CTNNA2: variants seen among roughly 807,000 people sequenced by gnomAD.
CTNNA2 encodes the protein catenin alpha-2.
Under a neutral mutation model 101.0 loss-of-function variants are expected in CTNNA2, and 42 were observed. The observed-to-expected ratio is 0.42, with a 90% CI of 0.32 to 0.54. The LOEUF is 0.54. CTNNA2 is among the 20% of genes least tolerant of loss of function. The pLI is 0.14. For synonymous variants in CTNNA2, 450 were observed against 456.4 expected (o/e 0.99, Z 0.18); for missense variants, 871 against 1,223.1 (o/e 0.71, Z 4.29).
chr2:79,973,655 G>A (rs1016865342), intron 7 of CTNNA2, among the ~76,000 whole-genome samples: 1 of 152,284 alleles, frequency 6.6e-6, no homozygotes, highest in Non-Finnish European at 1.5e-5. Flanking sequence ...CAGGAATAGG[G>A]CATTGCAATG....
intron 7 of CTNNA2, among the ~76,000 whole-genome samples, chr2:80,176,096 C>T (rs574800515): frequency 6.6e-6 from 1 of 152,200 alleles, no homozygotes; most frequent in Admixed American, 6.5e-5. Flanking sequence ...AGGAACAATA[C>T]TTTGCATCCA....
At chr2:80,218,874 G>T (rs2149050165) in intron 7 of CTNNA2, among the ~76,000 whole-genome samples, 1 of 152,228 alleles carries the variant, frequency 6.6e-6, no homozygotes, top group Non-Finnish European at 1.5e-5. Flanking sequence ...ATTATCTGAG[G>T]TATAGGATAA....
chr2:79,514,322 C>G (rs1422774663), intron 1 of CTNNA2, among the ~76,000 whole-genome samples: 1 of 152,196 alleles, frequency 6.6e-6, no homozygotes. Context: ...ATGGCATTAG[C>G]TGCATTAGAG....
At chr2:80,310,354 A>G (rs1449936538) in intron 7 of CTNNA2, among the ~76,000 whole-genome samples, 1 of 152,244 alleles carries the variant, frequency 6.6e-6, no homozygotes, top group Non-Finnish European at 1.5e-5. Flanking sequence ...CAGGCAGTGT[A>G]GAGCCTTCAT....
chr2:80,271,464 C>T (rs1431668468), intron 7 of CTNNA2, among the ~76,000 whole-genome samples: 1 of 149,854 alleles, frequency 6.7e-6, no homozygotes, highest in Non-Finnish European at 1.5e-5. Context: ...CTCTTTAGCT[C>T]AGGCTGGAGT....
intron 3 of CTNNA2, among the ~76,000 whole-genome samples, chr2:79,755,046 C>T (rs934353392): frequency 6.6e-6 from 1 of 151,968 alleles, no homozygotes; most frequent in Non-Finnish European, 1.5e-5. Context: ...CTATTCACAG[C>T]CGGGTACAGT....
intron 2 of CTNNA2, among the ~76,000 whole-genome samples, chr2:79,736,156 T>C (rs980507748): frequency 6.6e-6 from 1 of 152,208 alleles, no homozygotes; most frequent in Non-Finnish European, 1.5e-5. Context: ...TCAGAATTTG[T>C]ATAACTTTGT....
rs562649271 is a variant in CTNNA2, at chr2:79,485,846, C to T, written c.-134-19208C>T. On this transcript the variant is annotated intron_variant, in intron 4 of 21. Transcript: ENST00000466387. Reference sequence around the variant, plus strand: ...CATGGCAGTAATGTCATGCATAGTCCTCTTTTCCTAAATAGGAAGTTTATA... The same window carrying T: ...CATGGCAGTAATGTCATGCATAGTCTTCTTTTCCTAAATAGGAAGTTTATA... Among the ~76,000 whole-genome samples, 216 of 152,236 alleles carry T rather than the reference C, an allele frequency of 1.4e-3. 1 individual carries two copies. Among genetic ancestry groups the T allele is most frequent in the African/African-American group, 5.1e-3 (210 of 41,534 alleles).
intron 7 of CTNNA2, among the ~76,000 whole-genome samples, chr2:79,965,342 G>A (rs575321076): frequency 6.6e-6 from 1 of 152,144 alleles, no homozygotes; most frequent in Non-Finnish European, 1.5e-5. Context: ...TGGAATATGT[G>A]GGTCAGAATT....
intron 7 of CTNNA2, among the ~76,000 whole-genome samples, chr2:79,943,094 G>A (rs1295571153): frequency 6.6e-6 from 1 of 152,142 alleles, no homozygotes; most frequent in African/African-American, 2.4e-5. Context: ...GCACGTGCCT[G>A]TAATCCCAGC....
intron 1 of CTNNA2, among the ~76,000 whole-genome samples, chr2:79,585,465 A>T (rs1676422466): frequency 1.3e-5 from 2 of 151,948 alleles, no homozygotes; most frequent in African/African-American, 2.4e-5. Flanking sequence ...AATAAAATTT[A>T]GCTATTATTG....
At chr2:80,582,682 A>G (rs186640861) in intron 14 of CTNNA2, among the ~76,000 whole-genome samples, 1 of 152,298 alleles carries the variant, frequency 6.6e-6, no homozygotes, top group East Asian at 1.9e-4. Context: ...CCAAAGAGTA[A>G]AAACAATCAG....
chr2:80,480,049 C>A (rs111235353), intron 9 of CTNNA2, among the ~76,000 whole-genome samples: 1 of 152,004 alleles, frequency 6.6e-6, no homozygotes, highest in African/African-American at 2.4e-5. Context: ...ACTACTTTTC[C>A]TTACATAATT....
intron 4 of CTNNA2, among the ~76,000 whole-genome samples, chr2:79,401,033 T>C (rs1678284667): frequency 6.6e-6 from 1 of 151,756 alleles, no homozygotes; most frequent in Admixed American, 6.6e-5. Context: ...ATAGAGAAAT[T>C]AAGACACAGA....
At chr2:80,399,417 A>G (rs1411448075) in intron 8 of CTNNA2, among the ~76,000 whole-genome samples, 1 of 152,180 alleles carries the variant, frequency 6.6e-6, no homozygotes, top group Non-Finnish European at 1.5e-5. Flanking sequence ...AAGCCAGCAT[A>G]TGGTTGATTG....
intron 1 of CTNNA2, among the ~76,000 whole-genome samples, chr2:79,609,771 A>T (rs977443048): frequency 2.0e-5 from 3 of 152,156 alleles, no homozygotes; most frequent in Admixed American, 6.5e-5. Flanking sequence ...TCTTCAATCC[A>T]TAACTTACAT....
chr2:79,389,003 C>A (rs1678137604), intron 4 of CTNNA2, among the ~76,000 whole-genome samples: 1 of 152,110 alleles, frequency 6.6e-6, no homozygotes, highest in Non-Finnish European at 1.5e-5. Context: ...TTACACAGTG[C>A]ACAGATACAT....
intron 2 of CTNNA2, among the ~76,000 whole-genome samples, chr2:79,708,557 C>T (rs755649864): frequency 3.0e-4 from 46 of 152,162 alleles, no homozygotes; most frequent in African/African-American, 7.5e-4. Context: ...TAAAAAACTA[C>T]GAAATGCTTT....
chr2:80,285,871 C>T (rs1234577330), intron 7 of CTNNA2, among the ~76,000 whole-genome samples: 3 of 152,104 alleles, frequency 2.0e-5, no homozygotes, highest in East Asian at 1.9e-4. Context: ...ATATAAAATT[C>T]CCTATACAAC....
Sources: allele counts gnomAD v4.1 joint callset (sites outside exome capture counted in the v4.1 genomes callset), GRCh38; gene constraint gnomAD v4.1.1; transcripts MANE v1.5; gene names NCBI Gene and HGNC (gene_info 2026-07-23, HGNC 2026-07-21).